MICAL3: variants seen among roughly 807,000 people sequenced by gnomAD.
MICAL3 encodes [F-actin]-monooxygenase MICAL3.
A neutral mutation model predicts 207.4 loss-of-function variants in MICAL3; 62 were observed. The observed-to-expected ratio is 0.30, with a 90% CI of 0.24 to 0.37. MICAL3 has a LOEUF of 0.37. MICAL3 is among the 10% of genes least tolerant of loss of function. MICAL3 has a pLI of 1.00. For missense variants in MICAL3, 2,368 were observed against 2,635.6 expected (o/e 0.90, Z 2.22); for synonymous variants, 1,077 against 1,069.3 (o/e 1.01, Z -0.14).
chr22:17,881,535 G>A (rs965151867), intron 16 of MICAL3, among the ~76,000 whole-genome samples: 12 of 149,800 alleles, frequency 8.0e-5, no homozygotes, highest in African/African-American at 1.7e-4. Context: ...GAGAACCAGC[G>A]GTGCAGCACT....
At chr22:17,808,672 C>T (rs1233801038) in intron 29 of MICAL3, among the ~76,000 whole-genome samples, 172 bp downstream of exon 29, 4 of 152,192 alleles carry the variant, frequency 2.6e-5, no homozygotes, top group Non-Finnish European at 4.4e-5. Flanking sequence ...CTGTCTCAGA[C>T]AGGTATTTTC....
chr22:17,833,348 A>G (rs9618128), intron 20 of MICAL3, among the ~76,000 whole-genome samples: 11,669 of 152,258 alleles, frequency 0.077, 624 homozygotes, highest in African/African-American at 0.14. Flanking sequence ...CTTTCACGTT[A>G]AAGCCATGGC....
At chr22:17,877,075 A>AGGTT in intron 16 of MICAL3, among the ~76,000 whole-genome samples, 1 of 139,016 alleles carries the variant, frequency 7.2e-6, no homozygotes, top group Admixed American at 7.6e-5. Flanking sequence ...GAGGTTAGGG[A>AGGTT]AGTTATGGAG....
rs1931406360 is a variant in MICAL3, at chr22:17,902,511, C to T, written c.589+120G>A. ...TGCATCCAGGCCAAGTCCCCAAAGG[C>T]ACAGGCTTTGGCTAGCTCTGGAAGC... On this transcript the variant is annotated intron_variant, in intron 4 of 31. Transcript: ENST00000441493. This position sits in a 1 kb window ranked among gnomAD's most constrained non-coding sequence, Gnocchi z 4.5. 1.7e-6 allele frequency: 1 copy of T among 602,964 alleles called. No individual in the cohort carries two copies. The allele number at this position is 602,964 out of a possible 1,614,324, so 37.4% of individuals were successfully genotyped here.
Position 17,827,673 on chromosome 22 carries a change from G to A in MICAL3, c.3164C>T (p.Ala1055Val), listed in dbSNP as rs61744286. Residue 1055 changes from alanine to valine, a missense_variant, in exon 22 of 32, where the codon GCG becomes GTG. Ala to Val is a moderately conservative substitution (Grantham distance 64). Coordinates refer to ENST00000441493, the MANE Select transcript of MICAL3 (RefSeq NM_015241.3). The part of the protein sequence containing the change: ...IREREEEERM[A>V]PASESSASGA... Reference sequence around the variant, plus strand: ...GGAAGCAGAGGACTCAGAGGCCGGCGCCATCCTCTCTTCCTCCTCTCTCTC... The same window carrying A: ...GGAAGCAGAGGACTCAGAGGCCGGCACCATCCTCTCTTCCTCCTCTCTCTC... 0.064 allele frequency: 100,602 copies of A among 1,578,360 alleles called. 3,372 individuals are homozygous for A. Among genetic ancestry groups the A allele is most frequent in the East Asian group, 0.1 (4,424 of 42,678 alleles).
At chr22:17,806,657 G>A (rs1312040390) in intron 29 of MICAL3, among the ~76,000 whole-genome samples, 2 of 152,168 alleles carry the variant, frequency 1.3e-5, no homozygotes, top group South Asian at 4.1e-4. Flanking sequence ...ACCACTCTCT[G>A]CTATAACCTG....
chr22:17,877,504 TGGAGGTTAGGGAGGTTAG>T (rs1411694864), intron 16 of MICAL3, among the ~76,000 whole-genome samples: 17 of 63,566 alleles, frequency 2.7e-4, no homozygotes, highest in African/African-American at 5.6e-4. Flanking sequence ...AGGGAGGTTA[TGGAGGTTAGGGAGGTTAG>T]GGAGGTGAGG....
At chr22:17,999,781 A>G (rs1236564475) in intron 1 of MICAL3, among the ~76,000 whole-genome samples, 2 of 152,270 alleles carry the variant, frequency 1.3e-5, no homozygotes, top group African/African-American at 4.8e-5. Context: ...TATCCTTTAC[A>G]GGAGGAACAC....
intron 25 of MICAL3, among the ~76,000 whole-genome samples, chr22:17,820,033 G>A (rs1414521252): frequency 6.6e-6 from 1 of 150,632 alleles, no homozygotes; most frequent in Non-Finnish European, 1.5e-5. Flanking sequence ...TTGGGAGGCT[G>A]AGGCAGGAGG....
chr22:17,874,544 C>G (rs1928072093), intron 16 of MICAL3, among the ~76,000 whole-genome samples: 1 of 152,230 alleles, frequency 6.6e-6, no homozygotes, highest in African/African-American at 2.4e-5. Context: ...CGTGCAAAGG[C>G]ATCTGCCACA....
intron 10 of MICAL3, 76 bp from the exon 11 acceptor site, chr22:17,893,980 G>T: frequency 9.1e-7 from 1 of 1,100,630 alleles, no homozygotes; most frequent in Non-Finnish European, 1.3e-6. Flanking sequence ...GAGCAGAATG[G>T]CTGAAAGGAA....
chr22:17,846,846 C>T (rs997862366), intron 19 of MICAL3, among the ~76,000 whole-genome samples: 1 of 152,214 alleles, frequency 6.6e-6, no homozygotes, highest in South Asian at 2.1e-4. Context: ...TACAGCCCCA[C>T]ACATACCACA....
At chr22:17,983,872 A>G (rs967526412) in intron 1 of MICAL3, among the ~76,000 whole-genome samples, 1 of 152,186 alleles carries the variant, frequency 6.6e-6, no homozygotes, top group Non-Finnish European at 1.5e-5. Context: ...ACACTGAAGG[A>G]TTCAGGAGTC....
At chr22:17,976,571 A>G (rs1262488219) in intron 1 of MICAL3, among the ~76,000 whole-genome samples, 3,798 of 67,046 alleles carry the variant, frequency 0.057, 122 homozygotes, top group African/African-American at 0.12. Context: ...GTATATATAT[A>G]TATATATATA....
At chr22:18,021,094 A>G (rs9618188) in intron 1 of MICAL3, among the ~76,000 whole-genome samples, 7,215 of 152,290 alleles carry the variant, frequency 0.047, 490 homozygotes, top group African/African-American at 0.14. Flanking sequence ...TTTAGGTAGC[A>G]CCCTAAAGAT....
intron 17 of MICAL3, among the ~76,000 whole-genome samples, chr22:17,870,803 C>T (rs562318257): frequency 6.6e-6 from 1 of 152,290 alleles, no homozygotes; most frequent in South Asian, 2.1e-4. Flanking sequence ...GTGCTTTTTA[C>T]CAACATAGCA....
chr22:17,980,854 T>C, intron 1 of MICAL3: 1 of 524,568 alleles, frequency 1.9e-6, no homozygotes, highest in Non-Finnish European at 4.0e-6. Flanking sequence ...TCACCCTCAG[T>C]TCCTGCTCAA....
chr22:17,831,075 C>T, intron 21 of MICAL3, among the ~76,000 whole-genome samples: 1 of 152,224 alleles, frequency 6.6e-6, no homozygotes, highest in Non-Finnish European at 1.5e-5. Flanking sequence ...CCTCTGACCG[C>T]TGCAGGGAGT....
chr22:17,962,377 A>T (rs1934951058), intron 1 of MICAL3, among the ~76,000 whole-genome samples: 1 of 152,236 alleles, frequency 6.6e-6, no homozygotes, highest in Non-Finnish European at 1.5e-5. Flanking sequence ...AGGCACTCGC[A>T]GGCTGGGCAG....
Sources: gnomAD v4.1 joint callset for allele counts (sites outside exome capture counted in the v4.1 genomes callset) on GRCh38, gnomAD v4.1.1 for gene constraint, Gnocchi (gnomAD v3.1) non-coding constraint, MANE v1.5 for transcripts, NCBI Gene and HGNC (gene_info 2026-07-23, HGNC 2026-07-21) for gene names.